CDK13: variants seen among roughly 807,000 people sequenced by gnomAD.
CDK13 encodes cyclin-dependent kinase 13.
In CDK13, 40 loss-of-function variants were observed where a neutral mutation model predicts 137.6. The observed-to-expected ratio is 0.29, with a 90% CI of 0.23 to 0.38. CDK13 has a LOEUF of 0.38. CDK13 is among the 10% of genes least tolerant of loss of function. The pLI is 1.00. For synonymous variants in CDK13, 869 were observed against 760.1 expected (o/e 1.14, Z -2.36); for missense variants, 1,704 against 1,951.8 (o/e 0.87, Z 2.39).
chr7:39,951,666 G>A lies in CDK13; in HGVS notation c.1025G>A (p.Ser342Asn). The change falls in exon 1 of 14, where the codon AGC becomes AAC. Residue 342 changes from serine to asparagine, a missense_variant. Ser to Asn is a conservative substitution (Grantham distance 46). This residue lies in a region of CDK13 where 1,051 missense variants were observed against 931.0 expected (regional missense o/e 1.13). Coordinates refer to ENST00000181839, the MANE Select transcript of CDK13 (RefSeq NM_003718.5). ...SQSLRSRKSP[S>N]PAGGGSSPYS... ...AGCCTGAGGAGCCGCAAGTCCCCCA[G>A]CCCGGCAGGAGGTGGCAGCAGCCCC... is the stretch of plus-strand genomic sequence containing the variant. The A allele has an allele frequency of 6.8e-7, 1 of 1,475,978 alleles. No homozygotes were observed. Among genetic ancestry groups the A allele is most frequent in the Non-Finnish European group, 8.9e-7 (1 of 1,118,776 alleles). The allele number at this position is 1,475,978 out of a possible 1,614,324, so 91.4% of individuals were successfully genotyped here.
In CDK13 at chr7:40,024,645, G is replaced by GTTTTTTTTTTTTTT. The variant is rs58010602; in HGVS notation, c.2354-21171_2354-21158dup. On this transcript the variant is annotated intron_variant, in intron 5 of 13. Coordinates refer to ENST00000181839, the MANE Select transcript of CDK13 (RefSeq NM_003718.5). ...TCTTCCAAGATATCTGTAGCTCTGT[G>GTTTTTTTTTTTTTT]TTTTTTTTTTTTTTTTTTTTTTTTT... Among the ~76,000 whole-genome samples, 6 of 50,282 alleles carry GTTTTTTTTTTTTTT rather than the reference G, an allele frequency of 1.2e-4. 1 individual carries two copies. Among genetic ancestry groups the GTTTTTTTTTTTTTT allele is most frequent in the African/African-American group, 5.0e-4 (6 of 11,968 alleles). The allele number at this position is 50,282 out of a possible 152,430, so 33.0% of individuals were successfully genotyped here. A position where few individuals can be genotyped will look rare whatever the true frequency, so the allele number is the denominator to read the frequency against.
At chr7:39,965,185 C>G (rs914214434) in intron 1 of CDK13, among the ~76,000 whole-genome samples, 1 of 152,120 alleles carries the variant, frequency 6.6e-6, no homozygotes, top group Non-Finnish European at 1.5e-5. Context: ...TCCTTGTTAA[C>G]TTTCTGTCTC....
intron 5 of CDK13, among the ~76,000 whole-genome samples, chr7:40,019,821 C>G (rs1785075258): frequency 6.6e-6 from 1 of 152,000 alleles, no homozygotes. Context: ...AGAAGAGACC[C>G]AGAGATAAGG....
chr7:40,014,058 C>CTTTTTTTTT (rs927741062), intron 5 of CDK13, among the ~76,000 whole-genome samples: 8 of 60,944 alleles, frequency 1.3e-4, no homozygotes, highest in African/African-American at 4.5e-4. Context: ...GCTGTCTTGT[C>CTTTTTTTTT]TTTTTTTTTT....
intron 4 of CDK13, 122 bp from the exon 5 acceptor site, chr7:40,001,739 A>G: frequency 1.4e-6 from 1 of 734,134 alleles, no homozygotes; most frequent in South Asian, 1.6e-5. Flanking sequence ...AAACTGAAAC[A>G]TACTTTGTGG....
In CDK13 at chr7:39,968,061, G is replaced by A. The variant is rs191505953; in HGVS notation, c.1211+16209G>A. Among the ~76,000 whole-genome samples, 206 of 152,156 alleles carry A rather than the reference G, an allele frequency of 1.4e-3. 1 individual carries two copies. The highest frequency in any genetic ancestry group is 2.5e-3 in the Non-Finnish European group (172 of 68,012). ...CCCTCTTTTGAGGAATGTCTATTTA[G>A]GTCCTTTGCCCGTTTTTGAAATTGG... On this transcript the variant is annotated intron_variant, in intron 1 of 13. Coordinates refer to ENST00000181839, the MANE Select transcript of CDK13 (RefSeq NM_003718.5).
chr7:39,983,073 A>G (rs1445281772), intron 1 of CDK13, among the ~76,000 whole-genome samples: 1 of 152,158 alleles, frequency 6.6e-6, no homozygotes, highest in African/African-American at 2.4e-5. Flanking sequence ...TTGGTGTTTT[A>G]TTAGACATGA....
chr7:40,018,217 A>G (rs1481517983), intron 5 of CDK13, among the ~76,000 whole-genome samples: 1 of 152,190 alleles, frequency 6.6e-6, no homozygotes, highest in Non-Finnish European at 1.5e-5. Flanking sequence ...GTGTGGGATC[A>G]TTGACAAGCA....
chr7:40,006,796 GAGAA>G (rs1300175444), intron 5 of CDK13, among the ~76,000 whole-genome samples: 1 of 152,108 alleles, frequency 6.6e-6, no homozygotes, highest in Non-Finnish European at 1.5e-5. Context: ...TATCTTGCTA[GAGAA>G]GATTTTTATG....
chr7:40,062,277 A>T (rs1786164112), intron 7 of CDK13: 1 of 148,184 alleles, frequency 6.7e-6, no homozygotes, highest in Admixed American at 6.6e-5. Context: ...AATTGCAGTT[A>T]ATACCAGTAA....
At chr7:40,001,753 T>A in intron 4 of CDK13, 108 bp from the exon 5 acceptor site, 2 of 776,892 alleles carry the variant, frequency 2.6e-6, no homozygotes, top group South Asian at 1.6e-5. Context: ...TTTGTGGTTC[T>A]ATTTTTGAGA....
intron 1 of CDK13, among the ~76,000 whole-genome samples, chr7:39,976,649 C>G (rs1339263979): frequency 1.3e-5 from 2 of 152,024 alleles, no homozygotes; most frequent in Non-Finnish European, 2.9e-5. Flanking sequence ...TCTAAATATA[C>G]TATGTTTTTT....
chr7:40,052,760 C>T (rs1189657841), intron 7 of CDK13, among the ~76,000 whole-genome samples: 6 of 152,038 alleles, frequency 3.9e-5, no homozygotes. Context: ...GATAGTATTA[C>T]CATATTTTAT....
intron 1 of CDK13, among the ~76,000 whole-genome samples, chr7:39,959,800 T>G (rs1422920403): frequency 6.6e-6 from 1 of 151,588 alleles, no homozygotes; most frequent in Admixed American, 6.6e-5. Flanking sequence ...TTTTTTTAAA[T>G]TAACTTGCAA....
chr7:39,961,953 A>C (rs773415), intron 1 of CDK13, among the ~76,000 whole-genome samples: 68,360 of 151,960 alleles, frequency 0.45, 17,524 homozygotes, highest in East Asian at 0.63. Context: ...ATATCCCTAC[A>C]AAGGACATGA....
At chr7:39,967,498 A>C (rs1344201729) in intron 1 of CDK13, among the ~76,000 whole-genome samples, 1 of 152,180 alleles carries the variant, frequency 6.6e-6, no homozygotes, top group Non-Finnish European at 1.5e-5. Flanking sequence ...TTCATCTAAC[A>C]ATGGACACCT....
intron 11 of CDK13, among the ~76,000 whole-genome samples, chr7:40,082,930 A>C (rs998160265): frequency 1.3e-5 from 2 of 150,974 alleles, no homozygotes; most frequent in African/African-American, 2.4e-5. Context: ...GTAAAATCCT[A>C]TCTCTACTAA....
chr7:40,072,741 TAAC>T (rs1293994346), intron 9 of CDK13: 1 of 152,226 alleles, frequency 6.6e-6, no homozygotes, highest in East Asian at 1.9e-4. Flanking sequence ...ACATCTAACT[TAAC>T]AAGTGGAAAA....
chr7:39,966,802 C>T (rs944280057), intron 1 of CDK13, among the ~76,000 whole-genome samples: 1 of 152,074 alleles, frequency 6.6e-6, no homozygotes, highest in Non-Finnish European at 1.5e-5. Context: ...TGTGGATGTC[C>T]TTTCTGCTTG....
Sources: allele counts gnomAD v4.1 joint callset (sites outside exome capture counted in the v4.1 genomes callset), GRCh38; gene constraint gnomAD v4.1.1; regional missense constraint gnomAD v4.1.1; transcripts MANE v1.5; gene names NCBI Gene and HGNC (gene_info 2026-07-23, HGNC 2026-07-21).